The following PALB2 variants were observed in gnomAD, a reference collection of about 807,000 sequenced individuals.
PALB2 encodes mutant partner and localizer of BRCA2.
A neutral mutation model predicts 107.4 loss-of-function variants in PALB2; 82 were observed. The observed-to-expected ratio is 0.76, with a 90% CI of 0.64 to 0.92. PALB2 has a LOEUF of 0.92. Among genes scored for constraint, PALB2 ranks in the 40% least tolerant of loss-of-function variants. PALB2 has a pLI of 0.00. For synonymous variants in PALB2, 489 were observed against 496.8 expected, an observed-to-expected ratio of 0.98 and a Z score of 0.21; for missense variants, 1,374 against 1,379.9, an observed-to-expected ratio of 1.00 and a Z score of 0.07.
rs866787789 is a variant in PALB2 at position 23,635,369 on chromosome 16, T to G, written c.1177A>C (p.Lys393Gln). Residue 393 changes from lysine (K) to glutamine (Q), a missense_variant, in exon 4 of 13, where the codon AAA becomes CAA. Transcript: ENST00000261584. Reference sequence around the variant, plus strand: ...CCTTCAGGCACTGTGCAAGAATGTTTTTCTGCAGAAAGAGGAGAGGTTGCT... The same window carrying G: ...CCTTCAGGCACTGTGCAAGAATGTTGTTCTGCAGAAAGAGGAGAGGTTGCT... ...LEATSPLSAE[K>Q]HSCTVPEGLL... 6.2e-7 allele frequency: 1 copy of G among 1,614,026 alleles called. No homozygotes were observed. Among genetic ancestry groups the G allele is most frequent in the Middle Eastern group, 1.6e-4 (1 of 6,062 alleles).
intron 10 of PALB2, among the ~76,000 whole-genome samples, chr16:23,620,741 A>G (rs549699920): frequency 6.6e-6 from 1 of 152,274 alleles, no homozygotes; most frequent in East Asian, 1.9e-4. Flanking sequence ...AATTAATATG[A>G]TGTTGTTGGT....
chr16:23,613,018 G>GTT (rs776816639), intron 11 of PALB2, among the ~76,000 whole-genome samples: 8 of 142,294 alleles, frequency 5.6e-5, no homozygotes, highest in African/African-American at 1.0e-4. Context: ...CTCCCAAAGC[G>GTT]TTTTTTTTTT....
chr16:23,634,923 C>T lies in PALB2; in HGVS notation c.1623G>A (p.Arg541=), dbSNP rs745665968. 73 of 1,614,012 alleles carry T rather than the reference C, an allele frequency of 4.5e-5. No homozygotes were observed. The highest frequency in any genetic ancestry group is 5.3e-5 in the African/African-American group (4 of 74,898). ...TGTGTGAGGTGACTTCTTCCTTGGA[C>T]CTGTTAACAATCGACAGGCTAGAAG... The part of the protein sequence containing the change: ...LPTSSLSIVN[R]SKEEVTSHKY... The change falls in exon 4 of 13, where the codon AGG becomes AGA. Residue 541 remains arginine, a synonymous_variant. Transcript: ENST00000261584.
intron 12 of PALB2, 104 bp downstream of exon 12, chr16:23,607,760 C>T (rs909009270): frequency 4.5e-6 from 6 of 1,336,270 alleles, no homozygotes; most frequent in Admixed American, 1.7e-5. Context: ...TATAGTATTT[C>T]ATGTTTTCCA....
chr16:23,622,529 G>A (rs2142332189), intron 9 of PALB2, among the ~76,000 whole-genome samples: 1 of 152,074 alleles, frequency 6.6e-6, no homozygotes, highest in Middle Eastern at 3.4e-3. Context: ...CTAGTAGCTG[G>A]GACCACAAGG....
rs745837198 is a variant in PALB2, at chr16:23,635,031, G to A, written c.1515C>T (p.Ala505=). ...EDNDLSRKAV[A]QAPGRRYTGK... The stretch of plus-strand genomic sequence containing the variant: ...CTGTGTATCTTCTACCAGGTGCTTG[G>A]GCAACTGCCTTCCTAGACAAGTCAT... The change falls in exon 4 of 13, where the codon GCC becomes GCT. Residue 505 remains alanine, a synonymous_variant. Coordinates refer to ENST00000261584, the MANE Select transcript of PALB2 (RefSeq NM_024675.4). 1 of 1,614,096 alleles carries A rather than the reference G, an allele frequency of 6.2e-7. No homozygotes were observed. The highest frequency in any genetic ancestry group is 2.2e-5 in the East Asian group (1 of 44,880).
chr16:23,641,067 C>T (rs758587524), intron 1 of PALB2, 43 bp downstream of exon 1: 2 of 1,606,278 alleles, frequency 1.2e-6, no homozygotes, highest in East Asian at 2.2e-5. Flanking sequence ...CCTGGGAAAG[C>T]GGGGTCAGAG....
In PALB2 at chr16:23,622,953, T is replaced by G. The variant is rs1966797376; in HGVS notation, c.2996+16A>C. On this transcript the variant is annotated intron_variant, in intron 9 of 12. Coordinates refer to ENST00000261584, the MANE Select transcript of PALB2 (RefSeq NM_024675.4). The stretch of plus-strand genomic sequence containing the variant: ...TCTTCATCTAATAGTTAAAAATCAA[T>G]CAATGCTTTTCTTACCCTCCATCTT... The G allele has an allele frequency of 6.2e-7, 1 of 1,613,910 alleles. No homozygotes were observed.
At chr16:23,626,534 AAG>A (rs1397763641) in intron 6 of PALB2, 137 bp from the exon 7 acceptor site, 2 of 974,228 alleles carry the variant, frequency 2.1e-6, no homozygotes. Flanking sequence ...GGTGAAAAGA[AAG>A]AGCTTTGTGG....
chr16:23,610,387 C>T (rs749584085), intron 11 of PALB2, among the ~76,000 whole-genome samples: 1 of 150,206 alleles, frequency 6.7e-6, no homozygotes, highest in South Asian at 2.1e-4. Context: ...CGTCTCACTG[C>T]AACCTCTGCC....
chr16:23,612,058 A>C (rs1041763667), intron 11 of PALB2, among the ~76,000 whole-genome samples: 1 of 152,128 alleles, frequency 6.6e-6, no homozygotes, highest in Non-Finnish European at 1.5e-5. Flanking sequence ...CTGGATGCTG[A>C]TCCTCTCACT....
chr16:23,627,554 G>C (rs952541194), intron 6 of PALB2, among the ~76,000 whole-genome samples: 4 of 146,024 alleles, frequency 2.7e-5, no homozygotes, highest in African/African-American at 1.0e-4. Flanking sequence ...AAACAAGAAA[G>C]ATTAAAATCA....
Position 23,603,342 on chromosome 16 carries a change from A to T in PALB2, c.*117T>A. 1.2e-6 allele frequency: 1 copy of T among 828,936 alleles called. No individual in the cohort carries two copies. Among genetic ancestry groups the T allele is most frequent in the Non-Finnish European group, 2.0e-6 (1 of 495,156 alleles). 51.3% of individuals were successfully genotyped at this position (828,936 alleles called of 1,614,324 possible). A position where few individuals can be genotyped will look rare whatever the true frequency, so the allele number is the denominator to read the frequency against. On this transcript the variant is annotated 3_prime_UTR_variant, in exon 13 of 13. Transcript: ENST00000261584. ...TAGAATAAAAAATAAGTCTGTCTGG[A>T]CATAAACAAGCAATCATTTTAAGTG...
At chr16:23,636,755 A>G (rs75128596) in intron 3 of PALB2, among the ~76,000 whole-genome samples, 2,606 of 152,278 alleles carry the variant, frequency 0.017, 41 homozygotes, top group Middle Eastern at 0.085. Flanking sequence ...CTTAACTTCT[A>G]AATCTCAACT....
Position 23,603,560 on chromosome 16 carries a change from C to T in PALB2, c.3460G>A (p.Val1154Ile), listed in dbSNP as rs1597062059. Residue 1154 changes from valine (V) to isoleucine (I), a missense_variant, in exon 13 of 13, where the codon GTC (valine) becomes ATC (isoleucine). By Grantham distance (29) the Val-to-Ile change is conservative (BLOSUM62 3). Transcript: ENST00000261584. ...ACAAAAGACCAATGTTGGTCAGAGACAGGTGGGAGGAGGGCAGTACACTGA... is the reference window on the plus strand; with the variant it reads ...ACAAAAGACCAATGTTGGTCAGAGATAGGTGGGAGGAGGGCAGTACACTGA... ...LGQCTALLPP[V>I]SDQHWSFVKW... The T allele has an allele frequency of 6.2e-7, 1 of 1,614,030 alleles. No individual in the cohort carries two copies. The highest frequency in any genetic ancestry group is 8.5e-7 in the Non-Finnish European group (1 of 1,180,016).
In PALB2 at chr16:23,635,729, GT is replaced by G. The variant is rs1967018565; in HGVS notation, c.816del (p.Glu272AspfsTer7). 6.2e-7 allele frequency: 1 copy of G among 1,614,048 alleles called. No homozygotes were observed. Among genetic ancestry groups the G allele is most frequent in the Non-Finnish European group, 8.5e-7 (1 of 1,180,050 alleles). Reference sequence around the variant, plus strand: ...ATGTTTTTTAGGTCGTGAGTAGTAAGTTCACTGCTACCTTTAGGAGGAATGT... The same window carrying G: ...ATGTTTTTTAGGTCGTGAGTAGTAAGTCACTGCTACCTTTAGGAGGAATGT... Reference protein sequence around the residue: ...LEHIPPKGSSELTTHDLKNIR... With the variant: ...LEHIPPKGSSXLTTHDLKNIR... On this transcript the variant is annotated frameshift_variant, in exon 4 of 13. Transcript: ENST00000261584. LOFTEE classifies it high-confidence loss of function.
chr16:23,620,829 T>C (rs1175134870), intron 10 of PALB2, among the ~76,000 whole-genome samples: 3 of 152,176 alleles, frequency 2.0e-5, no homozygotes, highest in Non-Finnish European at 4.4e-5. Context: ...TCCCAGCAAT[T>C]TGGGAGGCCA....
chr16:23,637,740 A>C, intron 3 of PALB2, 110 bp downstream of exon 3: 1 of 770,726 alleles, frequency 1.3e-6, no homozygotes, highest in South Asian at 1.6e-5. Context: ...ATTAAAATTA[A>C]AGCGTCTATT....
At chr16:23,603,721 T>TA (rs35294437) in intron 12 of PALB2, 52 bp from the exon 13 acceptor site, 62,719 of 1,174,120 alleles carry the variant, frequency 0.053, no homozygotes, top group Non-Finnish European at 0.06. Flanking sequence ...AAAAAACAAT[T>TA]AAAAAAAAAA....
Sources: allele counts gnomAD v4.1 joint callset (sites outside exome capture counted in the v4.1 genomes callset), GRCh38; gene constraint gnomAD v4.1.1; transcripts MANE v1.5; gene names NCBI Gene and HGNC (gene_info 2026-07-23, HGNC 2026-07-21).